Variants in TENM1 observed in about 807,000 individuals in gnomAD.
The protein encoded by TENM1 is teneurin-1.
In TENM1, 35 loss-of-function variants were observed where a neutral mutation model predicts 174.8. The ratio of observed to expected loss-of-function variants is 0.20; its 90% CI spans 0.15 to 0.27. The LOEUF is 0.27. Ranked by LOEUF, TENM1 falls within the 10% of genes least tolerant of loss-of-function variation. The probability of loss-of-function intolerance (pLI) is 1.00; values close to 1 mark genes in which losing one functional copy is unlikely to be tolerated. For missense variants in TENM1, 1,633 were observed against 2,130.1 expected, an observed-to-expected ratio of 0.77 and a Z score of 4.59; for synonymous variants, 781 against 798.7, an observed-to-expected ratio of 0.98 and a Z score of 0.37.
chrX:124,564,635 G>A (rs1569310723), intron 12 of TENM1, among the ~76,000 whole-genome samples: 1 of 111,760 alleles, frequency 8.9e-6, no homozygotes, highest in Non-Finnish European at 1.9e-5. Flanking sequence ...AACCTTAGCG[G>A]TGGATAGAAA....
At chrX:124,825,943 A>G (rs1385449946) in intron 3 of TENM1, among the ~76,000 whole-genome samples, 1 of 112,428 alleles carries the variant, frequency 8.9e-6, no homozygotes, top group Non-Finnish European at 1.9e-5. Flanking sequence ...CCTCTCATAC[A>G]CTATCGGTTG....
chrX:124,528,661 TTA>T (rs765155041), intron 16 of TENM1, among the ~76,000 whole-genome samples: 127 of 106,773 alleles, frequency 1.2e-3, no homozygotes, highest in African/African-American at 3.6e-3. Context: ...AAATGAAGTT[TTA>T]TATATATATA....
chrX:124,758,810 A>G (rs1307412668), intron 3 of TENM1, among the ~76,000 whole-genome samples: 1 of 112,173 alleles, frequency 8.9e-6, no homozygotes, highest in Non-Finnish European at 1.9e-5. Context: ...TACCACTTAT[A>G]TGAGGAATCT....
At chrX:124,597,606 T>A (rs2049926936) in intron 11 of TENM1, among the ~76,000 whole-genome samples, 1 of 109,997 alleles carries the variant, frequency 9.1e-6, no homozygotes, top group African/African-American at 3.3e-5. Flanking sequence ...GGGTGACGAG[T>A]GCACCAAAAT....
At chrX:124,694,201 T>G (rs991472696) in intron 5 of TENM1, among the ~76,000 whole-genome samples, 8 of 111,878 alleles carry the variant, frequency 7.2e-5, no homozygotes, top group Non-Finnish European at 1.5e-4. Flanking sequence ...CCATTTTCAG[T>G]AGCCATTGCT....
chrX:124,902,806 T>C (rs964408386), intron 1 of TENM1, among the ~76,000 whole-genome samples: 5 of 112,338 alleles, frequency 4.5e-5, no homozygotes, highest in African/African-American at 1.6e-4. Flanking sequence ...TCTTAGAAAA[T>C]TAGTTCAATT....
intron 1 of TENM1, among the ~76,000 whole-genome samples, chrX:124,923,093 AT>A (rs986250050): frequency 2.7e-5 from 3 of 111,880 alleles, no homozygotes; most frequent in Non-Finnish European, 5.7e-5. Context: ...CCTTGGTATT[AT>A]TTTTTGCCTA....
At chrX:124,622,314 T>C (rs898174900) in intron 11 of TENM1, among the ~76,000 whole-genome samples, 2 of 111,912 alleles carry the variant, frequency 1.8e-5, no homozygotes, top group Non-Finnish European at 3.8e-5. Context: ...GAGAGACGCA[T>C]AGCCTGACCA....
the TENM1 span, among the ~76,000 whole-genome samples, chrX:124,976,982 C>T: frequency 8.9e-6 from 1 of 111,878 alleles, no homozygotes; most frequent in East Asian, 2.8e-4. Context: ...TTCATATTCA[C>T]CTACATGGCA....
chrX:124,977,963 TGTGTGAGAGAGAGA>T, the TENM1 span, among the ~76,000 whole-genome samples: 1,597 of 40,203 alleles, frequency 0.04, 46 homozygotes, highest in African/African-American at 0.094. Flanking sequence ...TGTGTGTGTG[TGTGTGAGAGAGAGA>T]GAGAGAGAGA....
At chrX:124,754,193 ACTT>A (rs2148587343) in intron 3 of TENM1, among the ~76,000 whole-genome samples, 1 of 111,120 alleles carries the variant, frequency 9.0e-6, no homozygotes, top group East Asian at 2.8e-4. Context: ...CAGAGATTCA[ACTT>A]CTTCCTGGTT....
chrX:124,517,650 C>G (rs1345383346), intron 18 of TENM1, among the ~76,000 whole-genome samples: 1 of 76,627 alleles, frequency 1.3e-5, no homozygotes, highest in Non-Finnish European at 2.4e-5. Context: ...ACATCACACA[C>G]CGGGGCCTGT....
At chrX:125,038,639 A>T in the TENM1 span, among the ~76,000 whole-genome samples, 2 of 111,187 alleles carry the variant, frequency 1.8e-5, no homozygotes, top group African/African-American at 3.3e-5. Flanking sequence ...TTTGAATATG[A>T]CATGCCTATG....
At chrX:124,397,267 G>A (rs767996357) in intron 27 of TENM1, among the ~76,000 whole-genome samples, 19 of 112,169 alleles carry the variant, frequency 1.7e-4, no homozygotes, top group African/African-American at 5.2e-4. Flanking sequence ...TTTGAAAGTC[G>A]TTCAGTTAGA....
At chrX:125,118,971 G>T in the TENM1 span, among the ~76,000 whole-genome samples, 1 of 111,202 alleles carries the variant, frequency 9.0e-6, no homozygotes, top group Non-Finnish European at 1.9e-5. Flanking sequence ...GAAATTCATG[G>T]GGTTTTGGAA....
intron 4 of TENM1, among the ~76,000 whole-genome samples, chrX:124,730,771 A>G (rs1005155244): frequency 8.9e-6 from 1 of 111,901 alleles, no homozygotes; most frequent in Non-Finnish European, 1.9e-5. Flanking sequence ...ACTGACTTAG[A>G]AAAAGAGAAA....
chrX:125,108,708 C>T, the TENM1 span, among the ~76,000 whole-genome samples: 1 of 105,446 alleles, frequency 9.5e-6, no homozygotes, highest in Non-Finnish European at 1.9e-5. Context: ...AAAAAAAGGG[C>T]TTTAAAAATG....
intron 25 of TENM1, among the ~76,000 whole-genome samples, chrX:124,415,868 C>T (rs1175297853): frequency 9.0e-6 from 1 of 111,719 alleles, no homozygotes; most frequent in Non-Finnish European, 1.9e-5. Flanking sequence ...ATTGATATGA[C>T]AACAAAATTA....
At chrX:125,040,374 T>C in the TENM1 span, among the ~76,000 whole-genome samples, 21 of 111,223 alleles carry the variant, frequency 1.9e-4, no homozygotes, top group Non-Finnish European at 4.0e-4. Context: ...CATCCAGAAA[T>C]AGAACATTTT....
Sources: gnomAD v4.1 joint callset for allele counts (sites outside exome capture counted in the v4.1 genomes callset) on GRCh38, gnomAD v4.1.1 for gene constraint, MANE v1.5 for transcripts, NCBI Gene and HGNC (gene_info 2026-07-23, HGNC 2026-07-21) for gene names.